TRMT11: variants seen among roughly 807,000 people sequenced by gnomAD.
TRMT11 encodes the protein tRNA methyltransferase 11, also known as tRNA (guanine(10)-N(2))-methyltransferase TRMT11.
A neutral mutation model predicts 62.8 loss-of-function variants in TRMT11; 53 were observed. The observed-to-expected ratio is 0.84, with a 90% CI of 0.68 to 1.06. The LOEUF (loss-of-function observed/expected upper bound fraction) is 1.06, where lower values mean the gene tolerates loss of function less well. Ranked by LOEUF, TRMT11 falls within the 50% of genes least tolerant of loss-of-function variation. TRMT11 has a pLI of 0.00. For synonymous variants in TRMT11, 188 were observed against 190.3 expected (o/e 0.99, Z 0.10); for missense variants, 556 against 553.4 (o/e 1.00, Z -0.05).
chr6:126,072,639 C>G (rs758108299), intron 17 of TRMT11, among the ~76,000 whole-genome samples: 2 of 152,186 alleles, frequency 1.3e-5, no homozygotes, highest in Admixed American at 1.3e-4. Context: ...ATATCACATA[C>G]TGGGTAGCTT....
the TRMT11 span, among the ~76,000 whole-genome samples, chr6:126,238,928 T>G: frequency 6.6e-6 from 1 of 152,104 alleles, no homozygotes; most frequent in Non-Finnish European, 1.5e-5. Context: ...GGATAGTTAG[T>G]TCTTCTTGTT....
intron 21 of TRMT11, among the ~76,000 whole-genome samples, chr6:126,151,836 T>TTC (rs1686221068): frequency 7.0e-6 from 1 of 142,388 alleles, no homozygotes; most frequent in Non-Finnish European, 1.5e-5. Flanking sequence ...CTTTCTTTCT[T>TTC]TCTTTCTTTC....
the TRMT11 span, among the ~76,000 whole-genome samples, chr6:126,255,551 G>A: frequency 5.8e-4 from 88 of 152,254 alleles, 1 homozygote; most frequent in African/African-American, 2.0e-3. Flanking sequence ...CATATCAAAT[G>A]CTCTTGCTTT....
At chr6:126,053,969 T>C (rs547877736) in intron 17 of TRMT11, among the ~76,000 whole-genome samples, 31 of 152,156 alleles carry the variant, frequency 2.0e-4, no homozygotes, top group African/African-American at 6.5e-4. Context: ...TGGGTAACAG[T>C]TCAACTAGTT....
chr6:126,044,247 G>T (rs955614257), downstream of TRMT11, among the ~76,000 whole-genome samples: 9 of 152,110 alleles, frequency 5.9e-5, no homozygotes, highest in Non-Finnish European at 2.9e-5. Flanking sequence ...TGTAAGGAAG[G>T]GATCCAGTTT....
chr6:126,022,616 C>G (rs1202910226), intron 12 of TRMT11, among the ~76,000 whole-genome samples: 1 of 152,190 alleles, frequency 6.6e-6, no homozygotes. Context: ...CCTAAAAACA[C>G]TGCATTCATT....
At chr6:126,063,454 C>T (rs957613021) in intron 17 of TRMT11, among the ~76,000 whole-genome samples, 1 of 152,146 alleles carries the variant, frequency 6.6e-6, no homozygotes, top group Admixed American at 6.5e-5. Flanking sequence ...ATTAAGAAAA[C>T]GTTTCTGTAA....
intron 21 of TRMT11, among the ~76,000 whole-genome samples, chr6:126,116,197 C>T (rs1002575162): frequency 2.6e-5 from 4 of 151,864 alleles, no homozygotes; most frequent in Non-Finnish European, 4.4e-5. Context: ...CAAGAAGGCT[C>T]AGGTTGGCTT....
At chr6:126,009,681 T>A (rs1793894533) in intron 8 of TRMT11, among the ~76,000 whole-genome samples, 1 of 151,998 alleles carries the variant, frequency 6.6e-6, no homozygotes, top group African/African-American at 2.4e-5. Flanking sequence ...ATTAGGAAAA[T>A]GAGTTATAAT....
chr6:126,206,561 A>G (rs1323494814), downstream of TRMT11, among the ~76,000 whole-genome samples: 1 of 152,236 alleles, frequency 6.6e-6, no homozygotes, highest in African/African-American at 2.4e-5. Flanking sequence ...AACATTTAAT[A>G]CAAAAACACT....
chr6:126,060,122 A>G (rs924229472), intron 17 of TRMT11, among the ~76,000 whole-genome samples: 1 of 152,338 alleles, frequency 6.6e-6, no homozygotes, highest in African/African-American at 2.4e-5. Context: ...GAGAAAGAGT[A>G]TATAAACCCC....
At chr6:126,244,912 T>TA in the TRMT11 span, among the ~76,000 whole-genome samples, 433 of 152,332 alleles carry the variant, frequency 2.8e-3, 3 homozygotes, top group African/African-American at 9.0e-3. Context: ...TTTAACTTTT[T>TA]ATGACTTCTC....
At chr6:126,093,604 T>TATATATATAC (rs1562321326) in intron 17 of TRMT11, among the ~76,000 whole-genome samples, 1 of 87,380 alleles carries the variant, frequency 1.1e-5, no homozygotes, top group Non-Finnish European at 2.1e-5. Flanking sequence ...TATATATATA[T>TATATATATAC]ATATATATAT....
intron 1 of TRMT11, among the ~76,000 whole-genome samples, chr6:126,188,348 TAACTG>T (rs1296373796): frequency 6.6e-5 from 10 of 151,858 alleles, no homozygotes; most frequent in African/African-American, 2.4e-4. Flanking sequence ...AAAAAGAAAA[TAACTG>T]AATGATAAAA....
At chr6:126,080,761 A>G (rs1777144247) in intron 17 of TRMT11, among the ~76,000 whole-genome samples, 1 of 152,160 alleles carries the variant, frequency 6.6e-6, no homozygotes, top group Non-Finnish European at 1.5e-5. Flanking sequence ...CAAGATACAG[A>G]TGATGTCTGA....
chr6:126,262,804 G>A, the TRMT11 span, among the ~76,000 whole-genome samples: 2 of 152,308 alleles, frequency 1.3e-5, no homozygotes, highest in African/African-American at 4.8e-5. Flanking sequence ...AGACAGTGTG[G>A]CAGAGGCAGA....
intron 21 of TRMT11, among the ~76,000 whole-genome samples, chr6:126,119,076 C>G (rs1361825900): frequency 6.6e-6 from 1 of 152,044 alleles, no homozygotes; most frequent in Non-Finnish European, 1.5e-5. Context: ...CAAATATATG[C>G]CATTCACTTC....
At chr6:126,226,915 G>A in the TRMT11 span, among the ~76,000 whole-genome samples, 1 of 152,140 alleles carries the variant, frequency 6.6e-6, no homozygotes, top group Non-Finnish European at 1.5e-5. Flanking sequence ...CAGTGAATAA[G>A]TCTCATGAAA....
At chr6:126,115,132 C>T (rs1056001453) in intron 19 of TRMT11, among the ~76,000 whole-genome samples, 2 of 152,096 alleles carry the variant, frequency 1.3e-5, no homozygotes, top group African/African-American at 2.4e-5. Flanking sequence ...CACCTTCCAG[C>T]CACCCTTCAG....
Sources: gnomAD v4.1 joint callset for allele counts (sites outside exome capture counted in the v4.1 genomes callset) on GRCh38, gnomAD v4.1.1 for gene constraint, MANE v1.5 for transcripts, NCBI Gene and HGNC (gene_info 2026-07-23, HGNC 2026-07-21) for gene names.